The following CAMK1D variants were observed in gnomAD, a reference collection of about 807,000 sequenced individuals.
The protein encoded by CAMK1D is calcium/calmodulin dependent protein kinase ID.
Under a neutral mutation model 47.7 loss-of-function variants are expected in CAMK1D, and 9 were observed. The observed-to-expected ratio is 0.19, with a 90% confidence interval of 0.11 to 0.33. The LOEUF (loss-of-function observed/expected upper bound fraction) is 0.33. Ranked by LOEUF, CAMK1D falls within the 10% of genes least tolerant of loss-of-function variation. The pLI is 1.00. For missense variants in CAMK1D, 291 were observed against 488.7 expected, an observed-to-expected ratio of 0.60 and a Z score of 3.81; for synonymous variants, 184 against 184.9, an observed-to-expected ratio of 0.99 and a Z score of 0.04.
At chr10:12,769,246 T>A (rs1216048530) in intron 4 of CAMK1D, among the ~76,000 whole-genome samples, 2 of 152,316 alleles carry the variant, frequency 1.3e-5, no homozygotes, top group African/African-American at 4.8e-5. Context: ...GCAGGGCGTG[T>A]TGCTGAGGGC....
intron 1 of CAMK1D, among the ~76,000 whole-genome samples, chr10:12,548,228 C>T (rs1588620746): frequency 6.6e-6 from 1 of 152,104 alleles, no homozygotes; most frequent in Admixed American, 6.5e-5. Flanking sequence ...CTGATACATG[C>T]CAAAGTCCTT....
At chr10:12,699,564 T>G (rs1021828088) in intron 3 of CAMK1D, among the ~76,000 whole-genome samples, 2 of 152,094 alleles carry the variant, frequency 1.3e-5, no homozygotes, top group Non-Finnish European at 2.9e-5. Flanking sequence ...CAGAATTGTG[T>G]AAGCTGAACC....
At chr10:12,816,424 C>T in intron 8 of CAMK1D, 96 bp downstream of exon 8, 1 of 959,536 alleles carries the variant, frequency 1.0e-6, no homozygotes, top group South Asian at 1.5e-5. Flanking sequence ...ATGAAATCCA[C>T]ACAGGATTAT....
chr10:12,695,055 G>GATAC (rs560235652), intron 3 of CAMK1D, among the ~76,000 whole-genome samples: 1,457 of 37,558 alleles, frequency 0.039, 17 homozygotes, highest in Middle Eastern at 0.13. Context: ...TAGATAGATA[G>GATAC]ATAGATAGAT....
In CAMK1D at chr10:12,443,194, T is replaced by C. The variant is rs189784851; in HGVS notation, c.92+93284T>C. ...AACTGACTCGAGGAGGAAAGACGTT[T>C]ATGTGCGGCAGATCTTCTCGGGGTT... On this transcript the variant is annotated intron_variant, in intron 1 of 10. Coordinates refer to ENST00000619168, the MANE Select transcript of CAMK1D (RefSeq NM_153498.4). 3.1e-4 allele frequency among the ~76,000 whole-genome samples: 47 copies of C among 152,316 alleles called. No homozygotes were observed. In the East Asian group the frequency reaches 7.5e-3, roughly 24 times the overall value.
At chr10:12,520,057 G>A (rs1169194244) in intron 1 of CAMK1D, among the ~76,000 whole-genome samples, 3 of 79,890 alleles carry the variant, frequency 3.8e-5, no homozygotes, top group East Asian at 4.0e-4. Context: ...GCGGCTGGCC[G>A]GGTGGGGGGC....
chr10:12,423,170 A>G (rs942762049), intron 1 of CAMK1D, among the ~76,000 whole-genome samples: 10 of 152,098 alleles, frequency 6.6e-5, no homozygotes, highest in Middle Eastern at 3.2e-3. Flanking sequence ...CTTTTGTACT[A>G]TCCATCTCAT....
intron 2 of CAMK1D, among the ~76,000 whole-genome samples, chr10:12,573,569 T>C (rs1353331813): frequency 1.3e-5 from 2 of 152,190 alleles, no homozygotes; most frequent in East Asian, 3.8e-4. Flanking sequence ...TTTCACTCGA[T>C]AGACTGTGAC....
intron 1 of CAMK1D, among the ~76,000 whole-genome samples, chr10:12,543,534 G>A (rs916643479): frequency 6.6e-6 from 1 of 152,134 alleles, no homozygotes; most frequent in African/African-American, 2.4e-5. Context: ...CCCAGCATAA[G>A]CTGAAGGTCT....
intron 1 of CAMK1D, among the ~76,000 whole-genome samples, chr10:12,360,778 A>G (rs980016741): frequency 2.0e-5 from 3 of 152,152 alleles, no homozygotes; most frequent in Non-Finnish European, 2.9e-5. Flanking sequence ...CCGTAAACCA[A>G]CCTACATCAA....
rs1024455736 is a variant in CAMK1D at position 12,529,231 on chromosome 10, G to A, written c.93-23994G>A. Among the ~76,000 whole-genome samples the A allele has an allele frequency of 4.6e-5, 7 of 152,312 alleles. No homozygotes were observed. In the East Asian group the frequency reaches 7.7e-4, roughly 17 times the overall value. On this transcript the variant is annotated intron_variant, in intron 1 of 10. Coordinates refer to ENST00000619168, the MANE Select transcript of CAMK1D (RefSeq NM_153498.4). ...ACATCCGTGATGTTAAAATCACCCTGCAAAGTAGGTAGCATAATTCTCAGT... is the reference window on the plus strand; with the variant it reads ...ACATCCGTGATGTTAAAATCACCCTACAAAGTAGGTAGCATAATTCTCAGT...
chr10:12,441,919 C>T (rs756718025), intron 1 of CAMK1D, among the ~76,000 whole-genome samples: 9 of 152,096 alleles, frequency 5.9e-5, no homozygotes, highest in Non-Finnish European at 7.3e-5. Flanking sequence ...AACTGAGAAG[C>T]GCTTGATTAT....
intron 1 of CAMK1D, among the ~76,000 whole-genome samples, chr10:12,451,771 T>TTA (rs1833090214): frequency 6.6e-6 from 1 of 150,502 alleles, no homozygotes; most frequent in East Asian, 1.9e-4. Flanking sequence ...GGTTATGTGT[T>TTA]TGTGTGTGTG....
intron 2 of CAMK1D, among the ~76,000 whole-genome samples, chr10:12,583,607 T>TTA (rs1554792398): frequency 1.1e-4 from 16 of 139,616 alleles, no homozygotes; most frequent in Admixed American, 3.6e-4. Context: ...GTTGTTTTAT[T>TTA]TTTTTTTTTT....
At chr10:12,567,744 C>T (rs1176980275) in intron 2 of CAMK1D, among the ~76,000 whole-genome samples, 1 of 152,094 alleles carries the variant, frequency 6.6e-6, no homozygotes, top group Non-Finnish European at 1.5e-5. Flanking sequence ...TTGATGTCGT[C>T]GTTTGTTTAA....
intron 3 of CAMK1D, among the ~76,000 whole-genome samples, chr10:12,718,788 C>G (rs1051578449): frequency 6.6e-6 from 1 of 152,092 alleles, no homozygotes; most frequent in African/African-American, 2.4e-5. Flanking sequence ...TGCCTCACCT[C>G]TTCTTTCTTT....
intron 1 of CAMK1D, among the ~76,000 whole-genome samples, chr10:12,523,974 C>T (rs1414690781): frequency 2.0e-5 from 3 of 151,992 alleles, no homozygotes; most frequent in Non-Finnish European, 4.4e-5. Context: ...TCACTGCAAG[C>T]TCTGCTTCCC....
intron 1 of CAMK1D, among the ~76,000 whole-genome samples, chr10:12,457,930 AG>A (rs1274411224): frequency 6.6e-6 from 1 of 152,200 alleles, no homozygotes; most frequent in African/African-American, 2.4e-5. Context: ...GATTGGGAAT[AG>A]GTGTCGGAAT....
chr10:12,412,165 A>G (rs1057256955), intron 1 of CAMK1D, among the ~76,000 whole-genome samples: 1 of 152,100 alleles, frequency 6.6e-6, no homozygotes, highest in African/African-American at 2.4e-5. Context: ...CACAGTCCTC[A>G]TCTCCTGGTG....
Sources: gnomAD v4.1 joint callset for allele counts (sites outside exome capture counted in the v4.1 genomes callset) on GRCh38, gnomAD v4.1.1 for gene constraint, MANE v1.5 for transcripts, NCBI Gene and HGNC (gene_info 2026-07-23, HGNC 2026-07-21) for gene names.